Variants in KIRREL3 observed in about 807,000 individuals in gnomAD.
KIRREL3 encodes kin of IRRE-like protein 3.
In KIRREL3, 36 loss-of-function variants were observed where a neutral mutation model predicts 89.7. The ratio of observed to expected loss-of-function variants is 0.40; its 90% CI spans 0.31 to 0.53. The LOEUF is 0.53. Ranked by LOEUF, KIRREL3 falls within the 20% of genes least tolerant of loss-of-function variation. KIRREL3 has a pLI of 0.49. For missense variants in KIRREL3, 864 were observed against 1,056.6 expected (o/e 0.82, Z 2.53); for synonymous variants, 445 against 441.4 (o/e 1.01, Z -0.10).
At position 126,955,624 on chromosome 11, in the gene KIRREL3, C is replaced by T. The variant is rs144535265; in HGVS notation, c.55+44831G>A. Among the ~76,000 whole-genome samples the T allele has an allele frequency of 1.3e-5, 2 of 152,334 alleles. No individual in the cohort carries two copies. Among genetic ancestry groups the T allele is most frequent in the African/African-American group, 4.8e-5 (2 of 41,582 alleles). On this transcript the variant is annotated intron_variant, in intron 1 of 16. Transcript: ENST00000525144. This position sits in a 1 kb window ranked among gnomAD's most constrained non-coding sequence, Gnocchi z 4.6. ...ATCCATTCTTTCCTTCCATCATTTGCTCCCTCAACCACACATATTTATTAA... is the reference window on the plus strand; with the variant it reads ...ATCCATTCTTTCCTTCCATCATTTGTTCCCTCAACCACACATATTTATTAA...
chr11:126,596,965 G>A lies in KIRREL3; in HGVS notation c.56-34053C>T, dbSNP rs146574755. 1.0e-3 allele frequency among the ~76,000 whole-genome samples: 153 copies of A among 152,314 alleles called. 1 individual carries two copies. Among genetic ancestry groups the A allele is most frequent in the African/African-American group, 3.5e-3 (144 of 41,586 alleles). On this transcript the variant is annotated intron_variant, in intron 1 of 16. Transcript: ENST00000525144. ...TTAAAGCAGCAGGAGGAAGCAGGAT[G>A]GGGCATTATATGGGCTCTAGTCTCT...
At chr11:126,538,395 A>G (rs1938088802) in intron 2 of KIRREL3, among the ~76,000 whole-genome samples, 2 of 152,344 alleles carry the variant, frequency 1.3e-5, no homozygotes, top group South Asian at 4.1e-4. Flanking sequence ...AATAGGAAGA[A>G]GGGAAGGAGA....
chr11:126,998,107 A>G (rs1950225189), intron 1 of KIRREL3, among the ~76,000 whole-genome samples: 3 of 152,192 alleles, frequency 2.0e-5, no homozygotes, highest in South Asian at 4.1e-4. Flanking sequence ...GTTCTATCCA[A>G]TAAGTTGATG....
chr11:126,584,959 C>T (rs2134681485), intron 1 of KIRREL3, among the ~76,000 whole-genome samples: 1 of 151,866 alleles, frequency 6.6e-6, no homozygotes, highest in East Asian at 1.9e-4. Flanking sequence ...CACTCTGTCG[C>T]CCAGGCTGGA....
In KIRREL3 at chr11:126,773,397, A is replaced by G. The variant is rs143776568; in HGVS notation, c.56-210485T>C. Among the ~76,000 whole-genome samples the G allele has an allele frequency of 1.9e-3, 296 of 152,312 alleles. 1 individual carries two copies. The highest frequency in any genetic ancestry group is 6.7e-3 in the African/African-American group (278 of 41,560). On this transcript the variant is annotated intron_variant, in intron 1 of 16. Coordinates refer to ENST00000525144, the MANE Select transcript of KIRREL3 (RefSeq NM_032531.4). This position sits in a 1 kb window ranked among gnomAD's most constrained non-coding sequence, Gnocchi z 4.2. ...AGACGACCTCTTGACTTGAATTGCAATGTGGACTCCTTCCTGGGTCTCAGG... is the reference window on the plus strand; with the variant it reads ...AGACGACCTCTTGACTTGAATTGCAGTGTGGACTCCTTCCTGGGTCTCAGG...
In KIRREL3 at chr11:126,563,422, G is replaced by C. The variant is rs138342415; in HGVS notation, c.56-510C>G. Among the ~76,000 whole-genome samples, 3 of 152,234 alleles carry C rather than the reference G, an allele frequency of 2.0e-5. No individual in the cohort carries two copies. The highest frequency in any genetic ancestry group is 4.4e-5 in the Non-Finnish European group (3 of 68,042). On this transcript the variant is annotated intron_variant, in intron 1 of 16. Transcript: ENST00000525144. This position sits in a 1 kb window ranked among gnomAD's most constrained non-coding sequence, Gnocchi z 6.8. ...TGACTCAGGAGGATGAAGTGATTGCGTGAGTTTAGGGCAGCGGGGCGACAC... is the reference window on the plus strand; with the variant it reads ...TGACTCAGGAGGATGAAGTGATTGCCTGAGTTTAGGGCAGCGGGGCGACAC...
Position 126,448,578 on chromosome 11 carries a change from G to A in KIRREL3, c.997+431C>T, listed in dbSNP as rs534524109. Among the ~76,000 whole-genome samples the A allele has an allele frequency of 3.3e-5, 5 of 152,318 alleles. No individual in the cohort carries two copies. The South Asian group carries it at 1.0e-3, about 32-fold the overall frequency. The stretch of plus-strand genomic sequence containing the variant: ...AGGAGGAGGAGCTTTGCAGGGGCAG[G>A]GGTTAGATCATGAGAGTGGAGCCCT... On this transcript the variant is annotated intron_variant, in intron 8 of 16. Coordinates refer to ENST00000525144, the MANE Select transcript of KIRREL3 (RefSeq NM_032531.4).
In KIRREL3 at chr11:127,000,358, C is replaced by G. The variant is rs1370526066; in HGVS notation, c.55+97G>C. 4 of 977,402 alleles carry G rather than the reference C, an allele frequency of 4.1e-6. No homozygotes were observed. The East Asian group carries it at 1.1e-4, about 27-fold the overall frequency. The allele number at this position is 977,402 out of a possible 1,614,324, so 60.5% of individuals were successfully genotyped here. A position where few individuals can be genotyped will look rare whatever the true frequency, so the allele number is the denominator to read the frequency against. ...GCACCGAGAGACGCATCCATCAGTC[C>G]GAGTTCCCGAAGCCTGCCCACGTTC... is the stretch of plus-strand genomic sequence containing the variant. On this transcript the variant is annotated intron_variant, in intron 1 of 16. Transcript: ENST00000525144. This position sits in a 1 kb window ranked among gnomAD's most constrained non-coding sequence, Gnocchi z 7.1.
chr11:126,581,912 C>T (rs1406289902), intron 1 of KIRREL3, among the ~76,000 whole-genome samples: 1 of 152,144 alleles, frequency 6.6e-6, no homozygotes, highest in Non-Finnish European at 1.5e-5. Context: ...GAACTGAGCA[C>T]AGGTAACAGA....
In KIRREL3 at chr11:126,647,105, C is replaced by A. The variant is rs1009976665; in HGVS notation, c.56-84193G>T. 6.6e-6 allele frequency among the ~76,000 whole-genome samples: 1 copy of A among 152,156 alleles called. No individual in the cohort carries two copies. Among genetic ancestry groups the A allele is most frequent in the African/African-American group, 2.4e-5 (1 of 41,432 alleles). On this transcript the variant is annotated intron_variant, in intron 1 of 16. Transcript: ENST00000525144. This position sits in a 1 kb window ranked among gnomAD's most constrained non-coding sequence, Gnocchi z 4.9. ...TCCAACCACTGACAAACAGGAGGCT[C>A]GGCACTTTTCATTTTAGGCACTTTT...
rs1293012102 is a variant in KIRREL3, at chr11:126,555,346, C to T, written c.133+7489G>A. Among the ~76,000 whole-genome samples the T allele has an allele frequency of 2.0e-5, 3 of 152,210 alleles. No individual in the cohort carries two copies. The highest frequency in any genetic ancestry group is 2.1e-4 in the South Asian group (1 of 4,832). On this transcript the variant is annotated intron_variant, in intron 2 of 16. Coordinates refer to ENST00000525144, the MANE Select transcript of KIRREL3 (RefSeq NM_032531.4). The surrounding 1 kb of genome is among the most constrained non-coding windows in gnomAD (Gnocchi z 4.2). ...CAAGGTTAAGGGAATTATCCCATCT[C>T]ATTAGTAAATAATTGCAATATGAAT...
At chr11:126,504,815 G>A (rs183434403) in intron 4 of KIRREL3, among the ~76,000 whole-genome samples, 53 of 152,230 alleles carry the variant, frequency 3.5e-4, no homozygotes, top group African/African-American at 1.3e-3. Flanking sequence ...ATGACCACAT[G>A]GGATTTTTAT....
At position 126,521,282 on chromosome 11, in the gene KIRREL3, A is replaced by G; in HGVS notation, c.433+33T>C. On this transcript the variant is annotated intron_variant, in intron 4 of 16. Coordinates refer to ENST00000525144, the MANE Select transcript of KIRREL3 (RefSeq NM_032531.4). This position sits in a 1 kb window ranked among gnomAD's most constrained non-coding sequence, Gnocchi z 4.1. ...GAGCTGAGCCCTTGGTGCTTCACGCAGTGTCCCAGCCCCGTGTGCAGATGG... is the reference window on the plus strand; with the variant it reads ...GAGCTGAGCCCTTGGTGCTTCACGCGGTGTCCCAGCCCCGTGTGCAGATGG... 6.7e-7 allele frequency: 1 copy of G among 1,492,390 alleles called. No homozygotes were observed. Among genetic ancestry groups the G allele is most frequent in the Non-Finnish European group, 9.0e-7 (1 of 1,112,758 alleles). 92.4% of individuals were successfully genotyped at this position (1,492,390 alleles called of 1,614,324 possible). A position where few individuals can be genotyped will look rare whatever the true frequency, so the allele number is the denominator to read the frequency against.
In KIRREL3 at chr11:126,431,173, CT is replaced by C; in HGVS notation, c.1696+245del. Reference sequence around the variant, plus strand: ...AGAGCTATGTGTTCAATCCAAAATGCTGGCTGCCCTGCAGATGAAGTTCAGT... The same window carrying C: ...AGAGCTATGTGTTCAATCCAAAATGCGGCTGCCCTGCAGATGAAGTTCAGT... On this transcript the variant is annotated intron_variant, in intron 14 of 16. Transcript: ENST00000525144. The surrounding 1 kb of genome is among the most constrained non-coding windows in gnomAD (Gnocchi z 7.1). The C allele has an allele frequency of 3.4e-6, 5 of 1,450,772 alleles. No individual in the cohort carries two copies. In the African/African-American group the frequency reaches 7.1e-5, roughly 21 times the overall value. The allele number at this position is 1,450,772 out of a possible 1,614,324, so 89.9% of individuals were successfully genotyped here.
chr11:126,972,204 G>GAGAGAGAGAGAGA (rs1555110558), intron 1 of KIRREL3, among the ~76,000 whole-genome samples: 311 of 146,326 alleles, frequency 2.1e-3, no homozygotes, highest in South Asian at 3.7e-3. Context: ...GAGAGAGAGA[G>GAGAGAGAGAGAGA]GACTGTGCAT....
In KIRREL3 at chr11:126,642,288, C is replaced by A. The variant is rs565344293; in HGVS notation, c.56-79376G>T. Among the ~76,000 whole-genome samples, 1 of 152,312 alleles carries A rather than the reference C, an allele frequency of 6.6e-6. No homozygotes were observed. The highest frequency in any genetic ancestry group is 6.5e-5 in the Admixed American group (1 of 15,300). On this transcript the variant is annotated intron_variant, in intron 1 of 16. Coordinates refer to ENST00000525144, the MANE Select transcript of KIRREL3 (RefSeq NM_032531.4). This position sits in a 1 kb window ranked among gnomAD's most constrained non-coding sequence, Gnocchi z 4.9. ...TTCTCACTTTCCCCATTTCTGAGAC[C>A]AGCAAGAGGCTCTGTTTGCGCCAAG...
rs1241357590 is a variant in KIRREL3, at chr11:126,898,701, G to T, written c.55+101754C>A. 6.6e-6 allele frequency among the ~76,000 whole-genome samples: 1 copy of T among 152,086 alleles called. No individual in the cohort carries two copies. The highest frequency in any genetic ancestry group is 1.5e-5 in the Non-Finnish European group (1 of 68,022). On this transcript the variant is annotated intron_variant, in intron 1 of 16. Coordinates refer to ENST00000525144, the MANE Select transcript of KIRREL3 (RefSeq NM_032531.4). The surrounding 1 kb of genome is among the most constrained non-coding windows in gnomAD (Gnocchi z 4.9). Reference sequence around the variant, plus strand: ...TTTATCAAACATAGAATAGTTACCTGGGGGTAAAGGAAGGGAAATGGAAGT... The same window carrying T: ...TTTATCAAACATAGAATAGTTACCTTGGGGTAAAGGAAGGGAAATGGAAGT...
chr11:126,875,021 C>T (rs1487811653), intron 1 of KIRREL3, among the ~76,000 whole-genome samples: 2 of 152,132 alleles, frequency 1.3e-5, no homozygotes, highest in Non-Finnish European at 2.9e-5. Context: ...TCTAAGAACA[C>T]TCGCTGTCCT....
At position 126,876,179 on chromosome 11, in the gene KIRREL3, C is replaced by A. The variant is rs1193549420; in HGVS notation, c.55+124276G>T. 3.3e-5 allele frequency among the ~76,000 whole-genome samples: 5 copies of A among 152,284 alleles called. No individual in the cohort carries two copies. The highest frequency in any genetic ancestry group is 6.8e-3 in the Middle Eastern group (2 of 294). ...AGCTCAACAGACAACTGAAATGAAG[C>A]TCAGGTCTTTTCTCTCAAGAATAAG... On this transcript the variant is annotated intron_variant, in intron 1 of 16. Coordinates refer to ENST00000525144, the MANE Select transcript of KIRREL3 (RefSeq NM_032531.4). This position sits in a 1 kb window ranked among gnomAD's most constrained non-coding sequence, Gnocchi z 4.1.
Sources: allele counts gnomAD v4.1 joint callset (sites outside exome capture counted in the v4.1 genomes callset), GRCh38; gene constraint gnomAD v4.1.1; non-coding constraint Gnocchi (gnomAD v3.1); transcripts MANE v1.5; gene names NCBI Gene and HGNC (gene_info 2026-07-23, HGNC 2026-07-21).